Variants in NKAIN3 observed in about 807,000 individuals in gnomAD.
NKAIN3 encodes the protein sodium/potassium transporting ATPase interacting 3.
Under a neutral mutation model 30.2 loss-of-function variants are expected in NKAIN3, and 25 were observed. The observed-to-expected ratio is 0.83, with a 90% CI of 0.60 to 1.16. The LOEUF (loss-of-function observed/expected upper bound fraction) is 1.16, where lower values mean the gene tolerates loss of function less well. NKAIN3 is among the 50% of genes most tolerant of loss of function. NKAIN3 has a pLI of 0.00. For synonymous variants in NKAIN3, 91 were observed against 89.6 expected, an observed-to-expected ratio of 1.02 and a Z score of -0.09; for missense variants, 225 against 254.1, an observed-to-expected ratio of 0.89 and a Z score of 0.78.
rs112474149 is a variant in NKAIN3 at position 62,395,309 on chromosome 8, C to T, written c.54+146182C>T. On this transcript the variant is annotated intron_variant, in intron 1 of 6. Transcript: ENST00000623646. The stretch of plus-strand genomic sequence containing the variant: ...CCGGGCGGAGGCCCCCCTCACTTCC[C>T]AGACGGTGGGGCGGCCGGGCAGAGG... Among the ~76,000 whole-genome samples the T allele has an allele frequency of 6.0e-3, 909 of 151,888 alleles. 5 individuals carry two copies. The highest frequency in any genetic ancestry group is 0.01 in the Non-Finnish European group (698 of 67,896).
chr8:62,770,456 C>A (rs1363953532), intron 4 of NKAIN3, among the ~76,000 whole-genome samples: 1 of 152,204 alleles, frequency 6.6e-6, no homozygotes, highest in African/African-American at 2.4e-5. Flanking sequence ...AAGGTACCAG[C>A]AGATCCAGTG....
chr8:62,788,149 C>T (rs1247654856), intron 4 of NKAIN3, among the ~76,000 whole-genome samples: 1 of 152,220 alleles, frequency 6.6e-6, no homozygotes, highest in Non-Finnish European at 1.5e-5. Context: ...TTTACAGTCT[C>T]ACCAACAGTG....
At chr8:62,950,159 T>G (rs925871202) in intron 5 of NKAIN3, among the ~76,000 whole-genome samples, 5 of 152,204 alleles carry the variant, frequency 3.3e-5, no homozygotes, top group African/African-American at 1.2e-4. Context: ...TATTTTTAAG[T>G]CTTTTGTTAA....
intron 4 of NKAIN3, among the ~76,000 whole-genome samples, chr8:62,788,366 C>T (rs990156070): frequency 3.3e-5 from 5 of 152,086 alleles, no homozygotes; most frequent in Non-Finnish European, 5.9e-5. Context: ...ATATCCTTCG[C>T]CCACTTTTTG....
chr8:62,515,373 A>T (rs1807953306), intron 1 of NKAIN3, among the ~76,000 whole-genome samples: 3 of 152,182 alleles, frequency 2.0e-5, no homozygotes, highest in Non-Finnish European at 4.4e-5. Flanking sequence ...GTTCCATAGC[A>T]TAAACCTTTC....
chr8:62,622,818 AT>A (rs1300042679), intron 3 of NKAIN3, among the ~76,000 whole-genome samples: 1 of 151,922 alleles, frequency 6.6e-6, no homozygotes, highest in African/African-American at 2.4e-5. Context: ...AGTACTTTTG[AT>A]GTCAAGTCTA....
rs11781182 is a variant in NKAIN3 at position 62,311,737 on chromosome 8, C to T, written c.54+62610C>T. The stretch of plus-strand genomic sequence containing the variant: ...GCACACGAAGACTGCGTGGGGTGCT[C>T]CTGTGTGTGAAGACTTTGGGAGGAT... On this transcript the variant is annotated intron_variant, in intron 1 of 6. Coordinates refer to ENST00000623646, the MANE Select transcript of NKAIN3 (RefSeq NM_001304533.3). Among the ~76,000 whole-genome samples, 184 of 150,564 alleles carry T rather than the reference C, an allele frequency of 1.2e-3. 2 individuals are homozygous for T. Among genetic ancestry groups the T allele is most frequent in the Non-Finnish European group, 2.3e-3 (158 of 68,010 alleles).
chr8:62,480,769 A>G (rs1345525321), intron 1 of NKAIN3, among the ~76,000 whole-genome samples: 1 of 152,154 alleles, frequency 6.6e-6, no homozygotes, highest in Non-Finnish European at 1.5e-5. Context: ...CCAAGGACTC[A>G]TGAAGTCAAT....
chr8:62,456,392 G>C (rs373580453), intron 1 of NKAIN3, among the ~76,000 whole-genome samples: 3 of 152,024 alleles, frequency 2.0e-5, no homozygotes, highest in Non-Finnish European at 2.9e-5. Flanking sequence ...GGTGGCGGGC[G>C]CCTGTAGTCC....
At chr8:62,804,485 G>T (rs1325465981) in intron 4 of NKAIN3, among the ~76,000 whole-genome samples, 2 of 152,210 alleles carry the variant, frequency 1.3e-5, no homozygotes, top group Non-Finnish European at 2.9e-5. Context: ...AGGATGCAAG[G>T]CTGGTTCAAT....
chr8:62,928,944 T>G (rs1822532026), intron 5 of NKAIN3, among the ~76,000 whole-genome samples: 1 of 152,150 alleles, frequency 6.6e-6, no homozygotes, highest in Non-Finnish European at 1.5e-5. Context: ...TCTCCTGTCA[T>G]TCAAGGGAGA....
chr8:62,810,268 T>C (rs1338402608), intron 4 of NKAIN3, among the ~76,000 whole-genome samples: 1 of 152,132 alleles, frequency 6.6e-6, no homozygotes, highest in Non-Finnish European at 1.5e-5. Context: ...TGTAATTCAG[T>C]TTTCAGGCAC....
At chr8:62,999,402 G>T (rs375024911) in exon 6 of NKAIN3, 7 of 152,218 alleles carry the variant, frequency 4.6e-5, no homozygotes, top group African/African-American at 1.7e-4. Flanking sequence ...CTAATAGAGT[G>T]AGAACTCACT....
chr8:62,799,740 G>T (rs1817992607), intron 4 of NKAIN3, among the ~76,000 whole-genome samples: 1 of 152,136 alleles, frequency 6.6e-6, no homozygotes, highest in Non-Finnish European at 1.5e-5. Context: ...AAAGATACTT[G>T]CACATGCATG....
At chr8:62,663,935 A>G (rs560881550) in intron 3 of NKAIN3, among the ~76,000 whole-genome samples, 39 of 152,264 alleles carry the variant, frequency 2.6e-4, no homozygotes, top group African/African-American at 9.1e-4. Context: ...ATAACCCTGA[A>G]GAGTATTGCA....
intron 3 of NKAIN3, among the ~76,000 whole-genome samples, chr8:62,660,732 G>C (rs1314304571): frequency 6.6e-6 from 1 of 152,182 alleles, no homozygotes; most frequent in Non-Finnish European, 1.5e-5. Context: ...GCATATTACA[G>C]TACAGTAGTA....
chr8:62,785,768 G>A (rs1817496781), intron 4 of NKAIN3, among the ~76,000 whole-genome samples: 1 of 152,046 alleles, frequency 6.6e-6, no homozygotes, highest in African/African-American at 2.4e-5. Flanking sequence ...GTTGTTAAAA[G>A]ACAATACATC....
intron 2 of NKAIN3, among the ~76,000 whole-genome samples, chr8:62,588,084 T>G (rs1227252906): frequency 6.6e-6 from 1 of 151,910 alleles, no homozygotes; most frequent in East Asian, 1.9e-4. Flanking sequence ...CTTTTCCTAA[T>G]CTTTTTCAAT....
At chr8:62,986,602 A>G (rs774491043), downstream of NKAIN3, among the ~76,000 whole-genome samples, 1 of 152,162 alleles carries the variant, frequency 6.6e-6, no homozygotes, top group Admixed American at 6.5e-5. Flanking sequence ...AGACTAGTAT[A>G]TATTATTTTT....
Sources: allele counts gnomAD v4.1 joint callset (sites outside exome capture counted in the v4.1 genomes callset), GRCh38; gene constraint gnomAD v4.1.1; transcripts MANE v1.5; gene names NCBI Gene and HGNC (gene_info 2026-07-23, HGNC 2026-07-21).